SETD9: variants seen among roughly 807,000 people sequenced by gnomAD.
SETD9 encodes SET domain containing 9.
A neutral mutation model predicts 36.4 loss-of-function variants in SETD9; 37 were observed. The observed-to-expected ratio is 1.02, with a 90% CI of 0.78 to 1.34. SETD9 has a LOEUF of 1.34. Ranked by LOEUF, SETD9 falls within the 40% of genes most tolerant of loss-of-function variation. The pLI is 0.00. For synonymous variants in SETD9, 128 were observed against 132.9 expected, an observed-to-expected ratio of 0.96 and a Z score of 0.26; for missense variants, 323 against 353.2, an observed-to-expected ratio of 0.91 and a Z score of 0.69.
At chr5:56,912,095 C>T in intron 2 of SETD9, 1 of 715,424 alleles carries the variant, frequency 1.4e-6, no homozygotes, top group Non-Finnish European at 1.7e-6. Flanking sequence ...GCGGAGGTTG[C>T]AGTGAGCCGA....
intron 5 of SETD9, chr5:56,923,254 T>C: frequency 6.2e-7 from 1 of 1,614,134 alleles, no homozygotes; most frequent in South Asian, 1.1e-5. Flanking sequence ...TGATGTGATG[T>C]GTGTGATTTT....
rs754572345 is a variant in SETD9, at chr5:56,909,741, G to T, written c.96G>T (p.Pro32=). 6.2e-7 allele frequency: 1 copy of T among 1,609,848 alleles called. No individual in the cohort carries two copies. Among genetic ancestry groups the T allele is most frequent in the South Asian group, 1.1e-5 (1 of 90,688 alleles). The part of the protein sequence containing the change: ...PWIALNLSHN[P]RTLRYVPEES... ...TCGCACTGAACCTAAGCCACAACCC[G>T]AGGTGAGAGGGCGGGACGGCAGAAC... The change falls in exon 1 of 6, where the codon CCG becomes CCT. Residue 32 remains proline (P), a splice_region_variant and synonymous_variant. Transcript: ENST00000285947.
intron 1 of SETD9, chr5:56,910,403 C>T (rs1181719359): frequency 7.7e-7 from 1 of 1,303,652 alleles, no homozygotes; most frequent in East Asian, 5.6e-5. Context: ...GGGTGAGTCC[C>T]GCCGGCGTTA....
In SETD9 at chr5:56,910,693, C is replaced by CA. The variant is rs1749073751; in HGVS notation, c.99-473dup. ...GTTAGTCGTCCTGGAGGGAGTGTCA[C>CA]AAAGTATACGATGTTGAATTTGTCT... is the stretch of plus-strand genomic sequence containing the variant. On this transcript the variant is annotated intron_variant, in intron 1 of 5. Transcript: ENST00000285947. 55 of 231,778 alleles carry CA rather than the reference C, an allele frequency of 2.4e-4. No individual in the cohort carries two copies. The South Asian group carries it at 2.5e-3, about 10-fold the overall frequency. 14.4% of individuals were successfully genotyped at this position (231,778 alleles called of 1,614,324 possible).
intron 1 of SETD9, chr5:56,910,541 G>A (rs1351305572): frequency 3.8e-6 from 2 of 522,896 alleles, no homozygotes; most frequent in Non-Finnish European, 6.1e-6. Flanking sequence ...TAGGGAAACA[G>A]GAGATCAGTT....
downstream of SETD9, among the ~76,000 whole-genome samples, chr5:56,918,811 A>C (rs1353531694): frequency 1.3e-5 from 2 of 152,216 alleles, no homozygotes; most frequent in African/African-American, 4.8e-5. Flanking sequence ...TGATCACTGC[A>C]TCTTAAAAAT....
At chr5:56,927,090 G>C (rs189876760), downstream of SETD9, among the ~76,000 whole-genome samples, 85 of 151,570 alleles carry the variant, frequency 5.6e-4, 1 homozygote, top group Non-Finnish European at 3.2e-4. Context: ...TTAGGGAGGA[G>C]GGGGAAGGGA....
intron 2 of SETD9, among the ~76,000 whole-genome samples, chr5:56,911,797 A>G (rs897381403): frequency 7.2e-5 from 11 of 152,206 alleles, no homozygotes; most frequent in African/African-American, 2.7e-4. Context: ...AATTTAGAAC[A>G]TAGTATGACC....
intron 5 of SETD9, chr5:56,923,149 G>A (rs749421443): frequency 2.9e-5 from 47 of 1,613,842 alleles, no homozygotes; most frequent in South Asian, 6.6e-5. Context: ...GTAGGGCCGC[G>A]TGCTGATGCA....
intron 1 of SETD9, chr5:56,910,144 A>G: frequency 1.6e-6 from 2 of 1,220,854 alleles, no homozygotes; most frequent in South Asian, 3.0e-5. Context: ...ATCTGGGCAA[A>G]AATGGAAACT....
intron 2 of SETD9, among the ~76,000 whole-genome samples, chr5:56,912,710 A>AAT (rs948766773): frequency 6.6e-6 from 1 of 152,080 alleles, no homozygotes; most frequent in Non-Finnish European, 1.5e-5. Flanking sequence ...ATTCTACTTA[A>AAT]ATATATATGT....
At chr5:56,909,886 C>G in intron 1 of SETD9, 143 bp downstream of exon 1, 1 of 14,702 alleles carries the variant, frequency 6.8e-5, no homozygotes. Flanking sequence ...CTGAGGTGGG[C>G]GGGCCGGGTG....
At chr5:56,925,535 GTATAAA>G (rs1459552772), downstream of SETD9, 3 of 225,132 alleles carry the variant, frequency 1.3e-5, no homozygotes, top group Admixed American at 1.7e-4. Context: ...AAATACTTGG[GTATAAA>G]TATAACAAAA....
rs749159433 is a variant in SETD9 at position 56,912,996 on chromosome 5, CTTG to C, written c.467-10_467-8del. 83 of 1,608,542 alleles carry C rather than the reference CTTG, an allele frequency of 5.2e-5. No homozygotes were observed. In the African/African-American group the frequency reaches 1.1e-3, roughly 21 times the overall value. ...TCATGTTGTTATCATATTTCTTTGT[CTTG>C]TTGTGTAATAGGTACAGTATATCAG... is the stretch of plus-strand genomic sequence containing the variant. On this transcript the variant is annotated splice_polypyrimidine_tract_variant and intron_variant, in intron 2 of 5. Coordinates refer to ENST00000285947, the MANE Select transcript of SETD9 (RefSeq NM_153706.4).
At chr5:56,926,626 T>C (rs541490361), downstream of SETD9, among the ~76,000 whole-genome samples, 1 of 151,876 alleles carries the variant, frequency 6.6e-6, no homozygotes, top group East Asian at 1.9e-4. Context: ...AACTCATTCA[T>C]TACTGCTGGA....
At chr5:56,911,625 A>G in intron 2 of SETD9, 89 bp downstream of exon 2, 1 of 1,331,738 alleles carries the variant, frequency 7.5e-7, no homozygotes, top group Non-Finnish European at 9.8e-7. Flanking sequence ...TGCAATCCTT[A>G]GAGTAAGGGA....
Position 56,923,792 on chromosome 5 carries a change from C to T in SETD9, c.813-1541C>T, listed in dbSNP as rs375553373. ...TAAGGCTGAAGCATTTACCGTCCCACCCAAAGCTTCTGTTTCATCTACTAA... is the reference window on the plus strand; with the variant it reads ...TAAGGCTGAAGCATTTACCGTCCCATCCAAAGCTTCTGTTTCATCTACTAA... On this transcript the variant is annotated intron_variant, in intron 5 of 5. Transcript: ENST00000628593. 116 of 1,614,060 alleles carry T rather than the reference C, an allele frequency of 7.2e-5. 1 individual carries two copies. The highest frequency in any genetic ancestry group is 3.5e-4 in the South Asian group (32 of 91,088).
At chr5:56,915,692 G>T (rs532199905) in intron 5 of SETD9, among the ~76,000 whole-genome samples, 29 of 152,214 alleles carry the variant, frequency 1.9e-4, no homozygotes, top group African/African-American at 6.5e-4. Context: ...GGCCAGACAC[G>T]GTACCTCAAG....
In SETD9 at chr5:56,911,445, C is replaced by T. The variant is rs1561217648; in HGVS notation, c.375C>T (p.Ala125=). Reference sequence around the variant, plus strand: ...ACAAGACTTTGGGTTTCAGTGTTGCCCAAGCAACTAGCTCATTGATTTCTG... The same window carrying T: ...ACAAGACTTTGGGTTTCAGTGTTGCTCAAGCAACTAGCTCATTGATTTCTG... ...ILYKTLGFSV[A]QATSSLISAG... Residue 125 remains alanine (A), a synonymous_variant, in exon 2 of 6, where the codon GCC becomes GCT. Coordinates refer to ENST00000285947, the MANE Select transcript of SETD9 (RefSeq NM_153706.4). The T allele has an allele frequency of 6.2e-7, 1 of 1,612,370 alleles. No homozygotes were observed. Among genetic ancestry groups the T allele is most frequent in the Admixed American group, 1.7e-5 (1 of 59,650 alleles).
Sources: gnomAD v4.1 joint callset for allele counts (sites outside exome capture counted in the v4.1 genomes callset) on GRCh38, gnomAD v4.1.1 for gene constraint, MANE v1.5 for transcripts, NCBI Gene and HGNC (gene_info 2026-07-23, HGNC 2026-07-21) for gene names.